The following DGKZ variants were observed in gnomAD, a reference collection of about 807,000 sequenced individuals.
The protein encoded by DGKZ is diacylglycerol kinase zeta, also known as DAG kinase zeta.
Under a neutral mutation model 142.5 loss-of-function variants are expected in DGKZ, and 45 were observed. That is an observed-to-expected ratio of 0.32 (90% CI 0.25 to 0.40). DGKZ has a LOEUF of 0.40. DGKZ is among the 10% of genes least tolerant of loss of function. The pLI is 1.00. For missense variants in DGKZ, 755 were observed against 1,306.5 expected, an observed-to-expected ratio of 0.58 and a Z score of 6.51; for synonymous variants, 442 against 527.0, an observed-to-expected ratio of 0.84 and a Z score of 2.21.
intron 14 of DGKZ, 116 bp from the exon 15 acceptor site, chr11:46,374,041 C>T: frequency 8.7e-7 from 1 of 1,147,300 alleles, no homozygotes; most frequent in Non-Finnish European, 1.3e-6. Context: ...GCGGACGCTG[C>T]TGACCAGGAA....
intron 1 of DGKZ, among the ~76,000 whole-genome samples, chr11:46,358,330 T>C (rs1422190677): frequency 1.3e-5 from 2 of 152,184 alleles, no homozygotes; most frequent in African/African-American, 2.4e-5. Context: ...ATATGAAATA[T>C]ATATAAGGCA....
rs755037364 is a variant in DGKZ, at chr11:46,379,208, C to A, written c.2545C>A (p.Pro849Thr). The change falls in exon 29 of 31, where the codon CCA becomes ACA. Residue 849 changes from proline (P) to threonine (T), a missense_variant. Pro to Thr is a conservative substitution (Grantham distance 38, BLOSUM62 -1). This residue lies in a region of DGKZ where 100 missense variants were observed against 87.7 expected (regional missense o/e 1.14). Transcript: ENST00000527911. ...CACCACCTCCCCTTCTCCAGCCCCC[C>A]CAGAGATCCTTGATGCGGTGGAGGA... 2.5e-6 allele frequency: 4 copies of A among 1,613,108 alleles called. No homozygotes were observed. In the South Asian group the frequency reaches 4.4e-5, roughly 18 times the overall value.
intron 1 of DGKZ, chr11:46,366,469 C>A: frequency 6.4e-7 from 1 of 1,564,022 alleles, no homozygotes. Context: ...AGGGTTCCAG[C>A]CGCCGGCGCT....
Position 46,367,263 on chromosome 11 carries a change from C to T in DGKZ, c.162-28C>T. The stretch of plus-strand genomic sequence containing the variant: ...AAGTAGGGTCAGCAAGTGCTCAGCC[C>T]CCTCCTCAGCTGTCTTCTCCTCTCT... On this transcript the variant is annotated intron_variant, in intron 1 of 30. Coordinates refer to ENST00000527911, the Ensembl canonical transcript of DGKZ. This position sits in a 1 kb window ranked among gnomAD's most constrained non-coding sequence, Gnocchi z 4.1. 3 of 1,589,942 alleles carry T rather than the reference C, an allele frequency of 1.9e-6. No individual in the cohort carries two copies. The highest frequency in any genetic ancestry group is 2.6e-6 in the Non-Finnish European group (3 of 1,161,356).
At chr11:46,349,643 C>T (rs1029718108) in intron 1 of DGKZ, among the ~76,000 whole-genome samples, 1 of 152,156 alleles carries the variant, frequency 6.6e-6, no homozygotes, top group African/African-American at 2.4e-5. Flanking sequence ...TCAAGCAGTC[C>T]TCCCACCTCG....
intron 1 of DGKZ, among the ~76,000 whole-genome samples, chr11:46,335,504 G>A (rs1169250629): frequency 6.6e-6 from 1 of 152,158 alleles, no homozygotes; most frequent in Non-Finnish European, 1.5e-5. Flanking sequence ...CAGAAGGGAG[G>A]CCCCTCCACA....
chr11:46,366,369 C>T (rs761348700), intron 1 of DGKZ: 28 of 1,521,908 alleles, frequency 1.8e-5, no homozygotes, highest in Non-Finnish European at 1.8e-6. Flanking sequence ...CGTCGCTCCC[C>T]CGCTGGGCAG....
chr11:46,367,675 C>T lies in DGKZ; in HGVS notation c.294C>T (p.His98=). ...AGGAGTCAGCGACATATGGGGAGCA[C>T]ATCTGGTTCGAGACCAACGTGTCCG... is the stretch of plus-strand genomic sequence containing the variant. Residue 98 remains histidine (H), a synonymous_variant, in exon 3 of 31, where the codon CAC becomes CAT. Coordinates refer to ENST00000527911, the Ensembl canonical transcript of DGKZ. This position sits in a 1 kb window ranked among gnomAD's most constrained non-coding sequence, Gnocchi z 4.1. 6.2e-7 allele frequency: 1 copy of T among 1,608,262 alleles called. No individual in the cohort carries two copies. The highest frequency in any genetic ancestry group is 8.5e-7 in the Non-Finnish European group (1 of 1,176,938).
intron 1 of DGKZ, among the ~76,000 whole-genome samples, chr11:46,338,094 G>A (rs1940097189): frequency 6.6e-6 from 1 of 152,232 alleles, no homozygotes; most frequent in African/African-American, 2.4e-5. Context: ...AAGTGAAGAA[G>A]CGCCAGGGTT....
intron 1 of DGKZ, among the ~76,000 whole-genome samples, chr11:46,349,902 C>T (rs1941151928): frequency 6.6e-6 from 1 of 152,296 alleles, no homozygotes; most frequent in East Asian, 1.9e-4. Context: ...CTAGATCTTC[C>T]CTTGGCGTGT....
chr11:46,347,508 G>A lies in DGKZ; in HGVS notation c.-152G>A, dbSNP rs1487880716. On this transcript the variant is annotated 5_prime_UTR_variant, in exon 1 of 31. Transcript: ENST00000527911. This position sits in a 1 kb window ranked among gnomAD's most constrained non-coding sequence, Gnocchi z 6.4. The stretch of plus-strand genomic sequence containing the variant: ...CGGCAGCGGCTTCCCGGGCACCTGG[G>A]CGTGGGGAGCGGGGGCGCGCGGCGC... 3.2e-5 allele frequency: 31 copies of A among 982,444 alleles called. No homozygotes were observed. Among genetic ancestry groups the A allele is most frequent in the Non-Finnish European group, 3.6e-5 (30 of 829,180 alleles). The allele number at this position is 982,444 out of a possible 1,614,324, so 60.9% of individuals were successfully genotyped here. A position where few individuals can be genotyped will look rare whatever the true frequency, so the allele number is the denominator to read the frequency against.
chr11:46,353,043 C>T (rs1941601846), intron 1 of DGKZ, among the ~76,000 whole-genome samples: 2 of 152,192 alleles, frequency 1.3e-5, no homozygotes. Context: ...TCTGTGGCCG[C>T]GGAGGGGAGG....
chr11:46,379,991 C>T, exon 31 of DGKZ: 1 of 1,542,104 alleles, frequency 6.5e-7, no homozygotes, highest in Non-Finnish European at 8.8e-7. Context: ...GGCCAGGGGA[C>T]GAGCGCCTTC....
intron 1 of DGKZ, among the ~76,000 whole-genome samples, chr11:46,352,089 C>T (rs1390142580): frequency 2.0e-5 from 3 of 152,218 alleles, no homozygotes; most frequent in Non-Finnish European, 4.4e-5. Context: ...GCCTGCCCTC[C>T]TCGGCTCCCT....
At chr11:46,377,915 G>T (rs757775700) in intron 25 of DGKZ, 2 of 525,576 alleles carry the variant, frequency 3.8e-6, no homozygotes, top group Non-Finnish European at 6.8e-6. Flanking sequence ...CTCTGCAGGG[G>T]TGCCACATCA....
chr11:46,369,046 A>T (rs1943643773), intron 4 of DGKZ: 1 of 238,600 alleles, frequency 4.2e-6, no homozygotes, highest in East Asian at 1.3e-4. Context: ...ATCTCTACTA[A>T]AAATCACAAA....
upstream of DGKZ, among the ~76,000 whole-genome samples, chr11:46,343,152 G>A (rs1197827561): frequency 1.3e-5 from 2 of 151,710 alleles, no homozygotes; most frequent in African/African-American, 4.8e-5. Context: ...AGCAAAAAAA[G>A]GAGGAAAATA....
chr11:46,375,530 G>A (rs1468679536), exon 20 of DGKZ: 2 of 1,590,812 alleles, frequency 1.3e-6, no homozygotes, highest in Admixed American at 1.7e-5. Context: ...TGGATGGCGA[G>A]CCCTGCAAGC....
At chr11:46,374,628 G>C in exon 17 of DGKZ, 1 of 1,579,518 alleles carries the variant, frequency 6.3e-7, no homozygotes, top group South Asian at 1.2e-5. Context: ...CTTCCTGATG[G>C]GCAGCTCCAA....
Sources: allele counts gnomAD v4.1 joint callset (sites outside exome capture counted in the v4.1 genomes callset), GRCh38; gene constraint gnomAD v4.1.1; regional missense constraint gnomAD v4.1.1; non-coding constraint Gnocchi (gnomAD v3.1); transcripts MANE v1.5; gene names NCBI Gene and HGNC (gene_info 2026-07-23, HGNC 2026-07-21).